CRACR2A: variants seen among roughly 807,000 people sequenced by gnomAD.
The protein encoded by CRACR2A is calcium release activated channel regulator 2A, also known as EF-hand calcium-binding domain-containing protein 4B.
CRACR2A carries 79 observed loss-of-function variants against 90.5 expected under a neutral mutation model. That is an observed-to-expected ratio of 0.87 (90% confidence interval 0.73 to 1.05). The LOEUF (loss-of-function observed/expected upper bound fraction) is 1.05. Among genes scored for constraint, CRACR2A ranks in the 50% least tolerant of loss-of-function variants. The pLI is 0.00. For synonymous variants in CRACR2A, 338 were observed against 356.7 expected (o/e 0.95, Z 0.59); for missense variants, 823 against 897.2 (o/e 0.92, Z 1.06).
At chr12:3,750,087 C>T (rs1946683474) in intron 1 of CRACR2A, among the ~76,000 whole-genome samples, 2 of 151,976 alleles carry the variant, frequency 1.3e-5, no homozygotes, top group Middle Eastern at 3.4e-3. Flanking sequence ...AGGTGCCTGC[C>T]ACCAAGCCCA....
chr12:3,678,531 G>A (rs940687863), intron 6 of CRACR2A, among the ~76,000 whole-genome samples: 11 of 152,140 alleles, frequency 7.2e-5, no homozygotes, highest in Non-Finnish European at 1.0e-4. Flanking sequence ...GTGATAGGAA[G>A]CCTTAGGGAG....
intron 7 of CRACR2A, among the ~76,000 whole-genome samples, chr12:3,664,625 A>T (rs764299266): frequency 2.6e-5 from 4 of 152,168 alleles, no homozygotes; most frequent in Non-Finnish European, 5.9e-5. Context: ...CAAAATGAGG[A>T]CGACAACCTG....
chr12:3,712,658 A>C (rs1331768224), intron 3 of CRACR2A, among the ~76,000 whole-genome samples: 1 of 152,226 alleles, frequency 6.6e-6, no homozygotes, highest in Non-Finnish European at 1.5e-5. Context: ...TAGGGATTAC[A>C]ATTCAACATG....
chr12:3,693,438 T>C (rs757846766), intron 4 of CRACR2A, among the ~76,000 whole-genome samples: 16 of 152,238 alleles, frequency 1.1e-4, no homozygotes, highest in Non-Finnish European at 1.9e-4. Context: ...TGACAGTTCC[T>C]CTAGGACTAA....
rs952563206 is a variant in CRACR2A, at chr12:3,647,993, T to C, written c.1118+549A>G. 1.4e-5 allele frequency: 14 copies of C among 985,536 alleles called. No homozygotes were observed. The Middle Eastern group carries it at 1.6e-3, about 109-fold the overall frequency. The allele number at this position is 985,536 out of a possible 1,614,324, so 61.0% of individuals were successfully genotyped here. A position where few individuals can be genotyped will look rare whatever the true frequency, so the allele number is the denominator to read the frequency against. ...GGGGGTCTTTGAAGGCTGAGAAAGCTTTTTCTTGGTGCTCTGTTTGTGATT... is the reference window on the plus strand; with the variant it reads ...GGGGGTCTTTGAAGGCTGAGAAAGCCTTTTCTTGGTGCTCTGTTTGTGATT... On this transcript the variant is annotated intron_variant, in intron 11 of 19. Transcript: ENST00000440314.
At chr12:3,751,737 C>T (rs1348993773) in intron 1 of CRACR2A, among the ~76,000 whole-genome samples, 4 of 152,100 alleles carry the variant, frequency 2.6e-5, no homozygotes, top group Non-Finnish European at 4.4e-5. Context: ...TCCCTCTACA[C>T]ACTTTATAGT....
chr12:3,622,645 TGTGC>T (rs1307520080), intron 17 of CRACR2A, among the ~76,000 whole-genome samples: 1 of 152,184 alleles, frequency 6.6e-6, no homozygotes, highest in African/African-American at 2.4e-5. Flanking sequence ...TGTGTGTGTG[TGTGC>T]GTGCGTTTTA....
intron 1 of CRACR2A, among the ~76,000 whole-genome samples, chr12:3,750,892 C>T (rs1473381442): frequency 6.6e-6 from 1 of 152,164 alleles, no homozygotes; most frequent in Non-Finnish European, 1.5e-5. Context: ...GGCCTGCCTT[C>T]TGCAGGCTCA....
At chr12:3,651,170 G>T (rs111790059) in intron 10 of CRACR2A, among the ~76,000 whole-genome samples, 2 of 152,346 alleles carry the variant, frequency 1.3e-5, no homozygotes, top group East Asian at 3.9e-4. Context: ...GGAGGGATGC[G>T]CTATGGAGCA....
At chr12:3,694,547 G>A (rs1945705210) in intron 4 of CRACR2A, among the ~76,000 whole-genome samples, 3 of 152,180 alleles carry the variant, frequency 2.0e-5, no homozygotes, top group Non-Finnish European at 2.9e-5. Flanking sequence ...TATGCACACC[G>A]CAGCCCCATG....
rs552102488 is a variant in CRACR2A, at chr12:3,636,965, C to T, written c.1602+1159G>A. Among the ~76,000 whole-genome samples, 7 of 152,372 alleles carry T rather than the reference C, an allele frequency of 4.6e-5. No homozygotes were observed. The South Asian group carries it at 1.4e-3, about 32-fold the overall frequency. Reference sequence around the variant, plus strand: ...CGTGCAGGGCGGAGCCTCTTTCACACTGCCGTGGATCGTTCTAAACTGTTT... The same window carrying T: ...CGTGCAGGGCGGAGCCTCTTTCACATTGCCGTGGATCGTTCTAAACTGTTT... On this transcript the variant is annotated intron_variant, in intron 14 of 19. Transcript: ENST00000440314.
chr12:3,744,099 G>A (rs1187023486), intron 1 of CRACR2A, among the ~76,000 whole-genome samples: 2 of 152,202 alleles, frequency 1.3e-5, no homozygotes, highest in African/African-American at 4.8e-5. Flanking sequence ...CCAAGAACAG[G>A]AGCTGAGATG....
chr12:3,640,599 A>G (rs553157036), intron 13 of CRACR2A: 13 of 1,299,032 alleles, frequency 1.0e-5, no homozygotes, highest in Middle Eastern at 2.1e-4. Flanking sequence ...GTATCTCATT[A>G]TTCAGCTATT....
intron 7 of CRACR2A, among the ~76,000 whole-genome samples, chr12:3,668,581 C>A (rs1237453112): frequency 1.3e-5 from 2 of 152,182 alleles, no homozygotes; most frequent in Non-Finnish European, 2.9e-5. Flanking sequence ...ATTTGCTGCC[C>A]TATCTGGAGG....
At chr12:3,712,376 G>A (rs1324469916) in intron 3 of CRACR2A, among the ~76,000 whole-genome samples, 2 of 152,234 alleles carry the variant, frequency 1.3e-5, no homozygotes, top group African/African-American at 4.8e-5. Flanking sequence ...CAAGCATGGT[G>A]CGAACATCTG....
In CRACR2A at chr12:3,638,275, T is replaced by C. The variant is rs1330497904; in HGVS notation, c.1451A>G (p.Asp484Gly). Residue 484 changes from aspartate to glycine, a missense_variant, in exon 14 of 20, where the codon GAT becomes GGT. Transcript: ENST00000440314. ...VEEDPLPQLL[D>G]GGFEQPLSKC... ...GCTCAGGGGTTGCTCAAAGCCACCA[T>C]CCAGGAGCTGGGGCAGGGGGTCTTC... 4.5e-6 allele frequency: 7 copies of C among 1,551,718 alleles called. No homozygotes were observed. The highest frequency in any genetic ancestry group is 5.2e-6 in the Non-Finnish European group (6 of 1,146,992).
chr12:3,697,480 T>C (rs1016709294), intron 3 of CRACR2A, among the ~76,000 whole-genome samples: 1 of 152,214 alleles, frequency 6.6e-6, no homozygotes, highest in Non-Finnish European at 1.5e-5. Flanking sequence ...ATTTTAGCAG[T>C]GTGAAAACTG....
At chr12:3,641,163 G>C (rs1944562313) in intron 13 of CRACR2A, among the ~76,000 whole-genome samples, 2 of 152,138 alleles carry the variant, frequency 1.3e-5, no homozygotes, top group Non-Finnish European at 2.9e-5. Context: ...GGCCAACATG[G>C]AGAAATCCCA....
At chr12:3,627,031 G>A (rs535652553) in intron 17 of CRACR2A, among the ~76,000 whole-genome samples, 1 of 152,260 alleles carries the variant, frequency 6.6e-6, no homozygotes, top group East Asian at 1.9e-4. Flanking sequence ...TCAGGGGATG[G>A]GGAGAGACGC....
Sources: allele counts gnomAD v4.1 joint callset (sites outside exome capture counted in the v4.1 genomes callset), GRCh38; gene constraint gnomAD v4.1.1; transcripts MANE v1.5; gene names NCBI Gene and HGNC (gene_info 2026-07-23, HGNC 2026-07-21).